Variants in EPHA6 observed in about 807,000 individuals in gnomAD.
EPHA6 encodes ephrin type-A receptor 6.
In EPHA6, 50 loss-of-function variants were observed where a neutral mutation model predicts 112.0. That is an observed-to-expected ratio of 0.45 (90% CI 0.36 to 0.56). The LOEUF is 0.56. Among genes scored for constraint, EPHA6 ranks in the 20% least tolerant of loss-of-function variants. The probability of loss-of-function intolerance (pLI) is 0.00; values close to 1 mark genes in which losing one functional copy is unlikely to be tolerated. For missense variants in EPHA6, 1,280 were observed against 1,417.4 expected, an observed-to-expected ratio of 0.90 and a Z score of 1.56; for synonymous variants, 529 against 490.7, an observed-to-expected ratio of 1.08 and a Z score of -1.03.
chr3:97,065,101 T>C (rs1164211145), intron 3 of EPHA6, among the ~76,000 whole-genome samples: 1 of 152,174 alleles, frequency 6.6e-6, no homozygotes, highest in Non-Finnish European at 1.5e-5. Flanking sequence ...CAAAATTCTT[T>C]GAACTAATGG....
intron 3 of EPHA6, among the ~76,000 whole-genome samples, chr3:97,088,400 A>T (rs1034098353): frequency 7.9e-5 from 12 of 152,040 alleles, no homozygotes; most frequent in Non-Finnish European, 1.6e-4. Flanking sequence ...TTCATGTGAG[A>T]AGGTCAGTCT....
chr3:97,339,974 G>A (rs1371429809), intron 5 of EPHA6, among the ~76,000 whole-genome samples: 1 of 152,204 alleles, frequency 6.6e-6, no homozygotes, highest in Non-Finnish European at 1.5e-5. Flanking sequence ...GTCACAAGCT[G>A]GGCCAGAGCC....
intron 5 of EPHA6, among the ~76,000 whole-genome samples, chr3:97,387,020 A>G (rs1396149064): frequency 3.3e-5 from 5 of 152,198 alleles, no homozygotes. Flanking sequence ...GATGAAGAGC[A>G]CCATGTCTTG....
chr3:96,921,910 AAC>A (rs922944756), intron 2 of EPHA6, among the ~76,000 whole-genome samples: 1 of 152,122 alleles, frequency 6.6e-6, no homozygotes, highest in African/African-American at 2.4e-5. Flanking sequence ...TATTTGTGAT[AAC>A]ACAGAAGCCA....
chr3:96,889,999 C>A (rs1247139960), intron 2 of EPHA6, among the ~76,000 whole-genome samples: 2 of 151,784 alleles, frequency 1.3e-5, no homozygotes, highest in Non-Finnish European at 2.9e-5. Flanking sequence ...ACCTCTTATA[C>A]CTTATACACA....
intron 14 of EPHA6, among the ~76,000 whole-genome samples, chr3:97,657,918 A>T (rs1382350478): frequency 6.6e-6 from 1 of 151,826 alleles, no homozygotes; most frequent in Non-Finnish European, 1.5e-5. Context: ...TACAATCTAG[A>T]CACATATCCA....
chr3:96,891,186 T>C (rs1462816026), intron 2 of EPHA6, among the ~76,000 whole-genome samples: 1 of 152,122 alleles, frequency 6.6e-6, no homozygotes, highest in East Asian at 1.9e-4. Context: ...AACGTGGACA[T>C]AACTGCCAAT....
At chr3:97,292,470 A>G (rs1164486178) in intron 5 of EPHA6, among the ~76,000 whole-genome samples, 1 of 152,254 alleles carries the variant, frequency 6.6e-6, no homozygotes, top group African/African-American at 2.4e-5. Context: ...AGCTTCATTA[A>G]GTAACAGAAC....
At chr3:96,965,995 C>T (rs2042110514) in intron 2 of EPHA6, among the ~76,000 whole-genome samples, 1 of 151,822 alleles carries the variant, frequency 6.6e-6, no homozygotes, top group African/African-American at 2.4e-5. Flanking sequence ...TGATCTATTT[C>T]TCTGTTATTG....
intron 7 of EPHA6, among the ~76,000 whole-genome samples, chr3:97,463,090 AAAG>A (rs1263045284): frequency 6.6e-6 from 1 of 152,198 alleles, no homozygotes; most frequent in Non-Finnish European, 1.5e-5. Context: ...TTAAACAAAA[AAAG>A]ATGAATTTTT....
intron 3 of EPHA6, among the ~76,000 whole-genome samples, chr3:96,995,894 A>G (rs2043403157): frequency 6.6e-6 from 1 of 152,012 alleles, no homozygotes; most frequent in African/African-American, 2.4e-5. Context: ...ACCTGTGTCA[A>G]TTTCTTAAGA....
chr3:97,345,509 G>A (rs879395504), intron 5 of EPHA6, among the ~76,000 whole-genome samples: 11 of 152,126 alleles, frequency 7.2e-5, no homozygotes, highest in Non-Finnish European at 5.9e-5. Flanking sequence ...CTTAAGGTGG[G>A]CTTAAGTGGG....
At chr3:97,234,272 A>T (rs976616444) in intron 4 of EPHA6, among the ~76,000 whole-genome samples, 3 of 151,906 alleles carry the variant, frequency 2.0e-5, no homozygotes, top group African/African-American at 7.3e-5. Flanking sequence ...GTTTCTGCTA[A>T]CTCCTTCCTT....
intron 14 of EPHA6, among the ~76,000 whole-genome samples, chr3:97,699,575 T>C (rs1297322222): frequency 2.0e-5 from 3 of 152,180 alleles, no homozygotes; most frequent in Non-Finnish European, 4.4e-5. Context: ...GAATCTTAAC[T>C]CTTAACTTCT....
At chr3:97,169,276 CAT>C (rs1473677569) in intron 3 of EPHA6, among the ~76,000 whole-genome samples, 2 of 152,164 alleles carry the variant, frequency 1.3e-5, no homozygotes, top group Non-Finnish European at 2.9e-5. Flanking sequence ...TGTAGCATCA[CAT>C]GTGCTGAGGC....
At chr3:97,282,769 T>TA (rs2080329703) in intron 5 of EPHA6, among the ~76,000 whole-genome samples, 1 of 152,112 alleles carries the variant, frequency 6.6e-6, no homozygotes, top group African/African-American at 2.4e-5. Flanking sequence ...TTCTCACTCA[T>TA]AAGTGGAGCT....
chr3:97,614,478 G>T (rs1006108217), intron 13 of EPHA6, among the ~76,000 whole-genome samples: 29 of 149,294 alleles, frequency 1.9e-4, no homozygotes, highest in African/African-American at 7.1e-4. Context: ...GGAACTACAG[G>T]TGTGCACCAC....
rs11377339 is a variant in EPHA6 at position 97,650,856 on chromosome 3, CAA to C, written c.2784+12792_2784+12793del. Among the ~76,000 whole-genome samples the C allele has an allele frequency of 1.4e-4, 13 of 96,026 alleles. No individual in the cohort carries two copies. The South Asian group carries it at 4.4e-3, about 33-fold the overall frequency. 63.0% of individuals were successfully genotyped at this position (96,026 alleles called of 152,430 possible). Reference sequence around the variant, plus strand: ...TGGGCAACAGTTCAAGACTCCATCTCAAAAAAAAAAAAAAAAAAAGGAGAGGA... The same window carrying C: ...TGGGCAACAGTTCAAGACTCCATCTCAAAAAAAAAAAAAAAAAGGAGAGGA... On this transcript the variant is annotated intron_variant, in intron 14 of 17. Coordinates refer to ENST00000389672, the MANE Select transcript of EPHA6 (RefSeq NM_001080448.3).
At chr3:97,423,596 A>G (rs561921252) in intron 6 of EPHA6, among the ~76,000 whole-genome samples, 4 of 152,218 alleles carry the variant, frequency 2.6e-5, no homozygotes, top group African/African-American at 9.6e-5. Flanking sequence ...CTACATATTC[A>G]ATGCTATTCC....
Sources: gnomAD v4.1 joint callset for allele counts (sites outside exome capture counted in the v4.1 genomes callset) on GRCh38, gnomAD v4.1.1 for gene constraint, MANE v1.5 for transcripts, NCBI Gene and HGNC (gene_info 2026-07-23, HGNC 2026-07-21) for gene names.